The following RNF220 variants were observed in gnomAD, a reference collection of about 807,000 sequenced individuals.
The protein encoded by RNF220 is E3 ubiquitin-protein ligase RNF220.
A neutral mutation model predicts 67.1 loss-of-function variants in RNF220; 7 were observed. The ratio of observed to expected loss-of-function variants is 0.10; its 90% CI spans 0.06 to 0.20. The LOEUF is 0.20. Ranked by LOEUF, RNF220 falls within the 10% of genes least tolerant of loss-of-function variation. The probability of loss-of-function intolerance (pLI) is 1.00; values close to 1 mark genes in which losing one functional copy is unlikely to be tolerated. For synonymous variants in RNF220, 270 were observed against 283.2 expected (o/e 0.95, Z 0.47); for missense variants, 565 against 740.3 (o/e 0.76, Z 2.75).
chr1:44,629,239 A>G (rs894575822), intron 5 of RNF220, among the ~76,000 whole-genome samples: 6 of 152,238 alleles, frequency 3.9e-5, no homozygotes, highest in African/African-American at 1.4e-4. Context: ...CTCACACATC[A>G]CTTCCACCAC....
chr1:44,566,922 G>T (rs1664067063), intron 2 of RNF220, among the ~76,000 whole-genome samples: 1 of 152,196 alleles, frequency 6.6e-6, no homozygotes, highest in Non-Finnish European at 1.5e-5. Flanking sequence ...AGGGCAGAAA[G>T]CTGAGCCAGC....
intron 2 of RNF220, among the ~76,000 whole-genome samples, chr1:44,478,792 C>G (rs1324412877): frequency 1.3e-5 from 2 of 152,062 alleles, no homozygotes; most frequent in Non-Finnish European, 2.9e-5. Context: ...TTCTACTGGG[C>G]AAATGTTGAC....
At chr1:44,471,534 C>G (rs1445838266) in intron 2 of RNF220, among the ~76,000 whole-genome samples, 2 of 151,286 alleles carry the variant, frequency 1.3e-5, no homozygotes, top group Non-Finnish European at 2.9e-5. Context: ...ATAAAGAAGA[C>G]TCATACTGGC....
chr1:44,640,990 C>T (rs1267697048), intron 8 of RNF220, among the ~76,000 whole-genome samples: 4 of 152,080 alleles, frequency 2.6e-5, no homozygotes, highest in African/African-American at 7.2e-5. Context: ...CCCCAGTAAA[C>T]GGGCATCTCC....
chr1:44,603,824 G>A (rs538464776), intron 2 of RNF220, among the ~76,000 whole-genome samples: 4 of 152,344 alleles, frequency 2.6e-5, no homozygotes, highest in South Asian at 2.1e-4. Context: ...AGCAGGCAGC[G>A]CCTGAGGCCA....
intron 12 of RNF220, chr1:44,648,260 T>C (rs1489204057): frequency 6.6e-6 from 1 of 152,252 alleles, no homozygotes; most frequent in Non-Finnish European, 1.5e-5. Context: ...TTTCTGTGCT[T>C]TAGTTTCTTT....
intron 2 of RNF220, among the ~76,000 whole-genome samples, chr1:44,609,909 T>C (rs1667543691): frequency 6.6e-6 from 1 of 152,190 alleles, no homozygotes; most frequent in Admixed American, 6.5e-5. Context: ...GGGACCTGAT[T>C]CCCCTGACTC....
rs140266063 is a variant in RNF220 at position 44,519,744 on chromosome 1, C to T, written c.626-94421C>T. On this transcript the variant is annotated intron_variant, in intron 2 of 14. Coordinates refer to ENST00000361799, the MANE Select transcript of RNF220 (RefSeq NM_018150.4). ...GAGAAGAATAGATTGCACGGAAAGTCAAGTGCAGGTGTCAGTCAGTCCCTG... is the reference window on the plus strand; with the variant it reads ...GAGAAGAATAGATTGCACGGAAAGTTAAGTGCAGGTGTCAGTCAGTCCCTG... Among the ~76,000 whole-genome samples the T allele has an allele frequency of 1.3e-3, 198 of 152,234 alleles. 2 individuals carry two copies. The highest frequency in any genetic ancestry group is 4.6e-3 in the African/African-American group (190 of 41,528).
At chr1:44,446,908 G>T (rs933734027) in intron 2 of RNF220, among the ~76,000 whole-genome samples, 1 of 152,118 alleles carries the variant, frequency 6.6e-6, no homozygotes, top group Non-Finnish European at 1.5e-5. Context: ...GTGAAGTTAC[G>T]CAGATAACAC....
intron 2 of RNF220, among the ~76,000 whole-genome samples, chr1:44,517,537 A>C (rs1055901284): frequency 2.0e-5 from 3 of 151,752 alleles, no homozygotes; most frequent in Non-Finnish European, 2.9e-5. Flanking sequence ...TATTGTCTTC[A>C]AGTGTGTTTG....
rs570779441 is a variant in RNF220 at position 44,587,635 on chromosome 1, A to G, written c.626-26530A>G. Among the ~76,000 whole-genome samples the G allele has an allele frequency of 2.9e-3, 443 of 152,214 alleles. 2 individuals are homozygous for G. Among genetic ancestry groups the G allele is most frequent in the African/African-American group, 0.01 (430 of 41,538 alleles). ...TGCTGTAGTCTAGCTCTCTGGTGGT[A>G]TTAGTTTCCCTGGCCAACAGACAGG... On this transcript the variant is annotated intron_variant, in intron 2 of 14. Coordinates refer to ENST00000361799, the MANE Select transcript of RNF220 (RefSeq NM_018150.4).
chr1:44,575,328 CAT>C (rs773281495), intron 2 of RNF220, among the ~76,000 whole-genome samples: 2 of 152,148 alleles, frequency 1.3e-5, no homozygotes, highest in Non-Finnish European at 2.9e-5. Context: ...CACTTCCATC[CAT>C]GTTGCTGAAA....
At chr1:44,540,482 T>C (rs898564561) in intron 2 of RNF220, among the ~76,000 whole-genome samples, 1 of 152,134 alleles carries the variant, frequency 6.6e-6, no homozygotes, top group East Asian at 1.9e-4. Flanking sequence ...AAAACAAATA[T>C]TATCGCACGC....
intron 2 of RNF220, among the ~76,000 whole-genome samples, chr1:44,427,987 T>C (rs186195936): frequency 3.9e-5 from 6 of 152,274 alleles, no homozygotes; most frequent in Admixed American, 2.6e-4. Flanking sequence ...GTCTGTGCAG[T>C]TTATGACAAG....
At chr1:44,530,193 T>A (rs1660726730) in intron 2 of RNF220, among the ~76,000 whole-genome samples, 1 of 151,936 alleles carries the variant, frequency 6.6e-6, no homozygotes, top group Non-Finnish European at 1.5e-5. Context: ...CATAAAGAAA[T>A]AGGTCAAAGA....
intron 2 of RNF220, among the ~76,000 whole-genome samples, chr1:44,585,048 A>G (rs156652): frequency 0.48 from 72,405 of 152,056 alleles, 17,310 homozygotes; most frequent in Middle Eastern, 0.59. Flanking sequence ...CATGCATCCT[A>G]GGGAAAGGCA....
At chr1:44,627,148 C>G (rs1413990296) in intron 5 of RNF220, 4 of 150,214 alleles carry the variant, frequency 2.7e-5, no homozygotes, top group Admixed American at 6.7e-5. Flanking sequence ...AATTGGAGAC[C>G]AGCCTGGCCA....
chr1:44,452,928 A>G (rs1652836618), intron 2 of RNF220, among the ~76,000 whole-genome samples: 1 of 152,200 alleles, frequency 6.6e-6, no homozygotes, highest in African/African-American at 2.4e-5. Context: ...GAAACTCATT[A>G]AATTTATAGT....
chr1:44,530,068 T>A (rs1243020515), intron 2 of RNF220, among the ~76,000 whole-genome samples: 1 of 150,540 alleles, frequency 6.6e-6, no homozygotes, highest in African/African-American at 2.4e-5. Flanking sequence ...AAAAAAAAAA[T>A]TAAAATTAAA....
Sources: allele counts gnomAD v4.1 joint callset (sites outside exome capture counted in the v4.1 genomes callset), GRCh38; gene constraint gnomAD v4.1.1; transcripts MANE v1.5; gene names NCBI Gene and HGNC (gene_info 2026-07-23, HGNC 2026-07-21).